Variants in GALNT13 observed in about 807,000 individuals in gnomAD.
The protein encoded by GALNT13 is UDP-GalNAc:polypeptide N-acetylgalactosaminyltransferase 13.
In GALNT13, 28 loss-of-function variants were observed where a neutral mutation model predicts 64.2. The observed-to-expected ratio is 0.44, with a 90% confidence interval of 0.32 to 0.60. The LOEUF is 0.60. Ranked by LOEUF, GALNT13 falls within the 20% of genes least tolerant of loss-of-function variation. GALNT13 has a pLI of 0.05. For synonymous variants in GALNT13, 214 were observed against 224.6 expected, an observed-to-expected ratio of 0.95 and a Z score of 0.42; for missense variants, 577 against 669.8, an observed-to-expected ratio of 0.86 and a Z score of 1.53.
the GALNT13 span, among the ~76,000 whole-genome samples, chr2:153,101,678 G>A: frequency 6.6e-6 from 1 of 152,122 alleles, no homozygotes; most frequent in African/African-American, 2.4e-5. Flanking sequence ...GACCTACCTG[G>A]CTATCCGTCT....
chr2:153,532,695 G>C, the GALNT13 span, among the ~76,000 whole-genome samples: 2 of 152,048 alleles, frequency 1.3e-5, no homozygotes, highest in African/African-American at 4.8e-5. Flanking sequence ...TGTGAGCATA[G>C]GCTGTTAAAA....
At chr2:153,405,215 A>G in the GALNT13 span, among the ~76,000 whole-genome samples, 2 of 152,238 alleles carry the variant, frequency 1.3e-5, no homozygotes, top group African/African-American at 4.8e-5. Flanking sequence ...AAGAAAGACA[A>G]TAGAGTTTCT....
At chr2:154,302,152 A>G (rs1693478798) in intron 9 of GALNT13, among the ~76,000 whole-genome samples, 1 of 152,018 alleles carries the variant, frequency 6.6e-6, no homozygotes, top group African/African-American at 2.4e-5. Flanking sequence ...TCTAATATTC[A>G]TACATTACTT....
intron 6 of GALNT13, among the ~76,000 whole-genome samples, chr2:154,243,276 T>C (rs1689595856): frequency 1.3e-5 from 2 of 152,172 alleles, no homozygotes; most frequent in Admixed American, 6.5e-5. Flanking sequence ...CTATAACTTA[T>C]AATGAGGAGG....
intron 4 of GALNT13, among the ~76,000 whole-genome samples, chr2:154,201,655 C>T (rs1223354609): frequency 6.6e-6 from 1 of 152,090 alleles, no homozygotes; most frequent in Non-Finnish European, 1.5e-5. Flanking sequence ...TAAAAAGTAT[C>T]CTTGGTTATC....
At chr2:153,403,606 C>T in the GALNT13 span, among the ~76,000 whole-genome samples, 1 of 152,192 alleles carries the variant, frequency 6.6e-6, no homozygotes, top group African/African-American at 2.4e-5. Flanking sequence ...ACCCTCCGAG[C>T]CAGGTGCAGG....
chr2:153,402,443 T>C, the GALNT13 span, among the ~76,000 whole-genome samples: 2,152 of 151,670 alleles, frequency 0.014, 44 homozygotes, highest in African/African-American at 0.049. Flanking sequence ...TTTGTGGCGT[T>C]CTCTGTATTT....
chr2:153,916,786 G>C (rs1222334895), intron 2 of GALNT13, among the ~76,000 whole-genome samples: 1 of 152,128 alleles, frequency 6.6e-6, no homozygotes, highest in East Asian at 1.9e-4. Context: ...GATTGATAGA[G>C]TACAAAGGCA....
At chr2:154,410,551 C>T (rs1699746184) in intron 11 of GALNT13, among the ~76,000 whole-genome samples, 1 of 151,816 alleles carries the variant, frequency 6.6e-6, no homozygotes. Context: ...AAGCAAAAGC[C>T]TTCCTAGAGG....
chr2:153,325,114 G>GTTTTTTT, the GALNT13 span, among the ~76,000 whole-genome samples: 2 of 72,636 alleles, frequency 2.8e-5, no homozygotes, highest in Non-Finnish European at 2.5e-5. Flanking sequence ...CTGGACCTGG[G>GTTTTTTT]TTTTTTTTTT....
At chr2:153,254,319 C>T in the GALNT13 span, among the ~76,000 whole-genome samples, 1 of 132,888 alleles carries the variant, frequency 7.5e-6, no homozygotes, top group South Asian at 2.3e-4. Flanking sequence ...GTGATATCCC[C>T]TTTATCATTT....
the GALNT13 span, among the ~76,000 whole-genome samples, chr2:153,313,543 C>G: frequency 2.0e-5 from 3 of 150,372 alleles, no homozygotes; most frequent in African/African-American, 7.4e-5. Context: ...TGGGGCCTAT[C>G]AGAGGGTGGC....
the GALNT13 span, among the ~76,000 whole-genome samples, chr2:153,139,449 A>G: frequency 1.3e-5 from 2 of 152,010 alleles, no homozygotes; most frequent in East Asian, 3.9e-4. Flanking sequence ...TTTATAATGG[A>G]AGTGCACAGA....
chr2:153,718,130 G>A, the GALNT13 span, among the ~76,000 whole-genome samples: 1 of 151,720 alleles, frequency 6.6e-6, no homozygotes, highest in African/African-American at 2.4e-5. Flanking sequence ...ACACTTCTTA[G>A]AATTTTGAAG....
At chr2:153,153,776 G>C in the GALNT13 span, among the ~76,000 whole-genome samples, 15 of 148,344 alleles carry the variant, frequency 1.0e-4, no homozygotes, top group Admixed American at 2.1e-4. Context: ...TTTTGTACCT[G>C]TACCATGCTG....
chr2:153,138,416 C>A, the GALNT13 span, among the ~76,000 whole-genome samples: 2 of 152,032 alleles, frequency 1.3e-5, no homozygotes, highest in African/African-American at 4.8e-5. Flanking sequence ...GGAAACGACC[C>A]TATAAAAGGC....
At chr2:154,199,060 A>C (rs1443251730) in intron 4 of GALNT13, among the ~76,000 whole-genome samples, 1 of 151,996 alleles carries the variant, frequency 6.6e-6, no homozygotes, top group African/African-American at 2.4e-5. Flanking sequence ...GCATCTAAGG[A>C]GCTGGACTCA....
rs576842903 is a variant in GALNT13 at position 154,219,044 on chromosome 2, A to C, written c.312-22986A>C. The stretch of plus-strand genomic sequence containing the variant: ...TAATTGAAAATCTGGAGTAATCTCA[A>C]CTCCTCTGTATCTTTCACCAGAGTT... On this transcript the variant is annotated intron_variant, in intron 4 of 12. Transcript: ENST00000392825. 2.6e-5 allele frequency among the ~76,000 whole-genome samples: 4 copies of C among 152,052 alleles called. No homozygotes were observed. In the South Asian group the frequency reaches 8.3e-4, roughly 32 times the overall value.
At chr2:153,335,318 T>C in the GALNT13 span, among the ~76,000 whole-genome samples, 2 of 152,150 alleles carry the variant, frequency 1.3e-5, no homozygotes, top group Admixed American at 6.5e-5. Context: ...TTGGAACAGT[T>C]TGAAGAGCTC....
Sources: allele counts gnomAD v4.1 joint callset (sites outside exome capture counted in the v4.1 genomes callset), GRCh38; gene constraint gnomAD v4.1.1; transcripts MANE v1.5; gene names NCBI Gene and HGNC (gene_info 2026-07-23, HGNC 2026-07-21).